The following LAMA2 variants were observed in gnomAD, a reference collection of about 807,000 sequenced individuals.
LAMA2 encodes the protein laminin subunit alpha 2.
Under a neutral mutation model 364.8 loss-of-function variants are expected in LAMA2, and 269 were observed. The observed-to-expected ratio is 0.74, with a 90% CI of 0.67 to 0.82. The LOEUF (loss-of-function observed/expected upper bound fraction) is 0.82. Among genes scored for constraint, LAMA2 ranks in the 40% least tolerant of loss-of-function variants. LAMA2 has a pLI of 0.00. For synonymous variants in LAMA2, 1,379 were observed against 1,370.6 expected, an observed-to-expected ratio of 1.01 and a Z score of -0.14; for missense variants, 3,807 against 3,873.2, an observed-to-expected ratio of 0.98 and a Z score of 0.45.
At chr6:129,079,033 C>T (rs188414650) in intron 3 of LAMA2, among the ~76,000 whole-genome samples, 10 of 152,248 alleles carry the variant, frequency 6.6e-5, no homozygotes, top group East Asian at 5.8e-4. Context: ...CTCACACACA[C>T]GTACATATAT....
At chr6:129,244,155 C>G in intron 12 of LAMA2, among the ~76,000 whole-genome samples, 1 of 152,042 alleles carries the variant, frequency 6.6e-6, no homozygotes, top group East Asian at 1.9e-4. Flanking sequence ...ACTTTAAAAC[C>G]TCTCATGTAA....
intron 1 of LAMA2, among the ~76,000 whole-genome samples, chr6:128,920,173 T>A (rs1778601766): frequency 6.6e-6 from 1 of 151,864 alleles, no homozygotes; most frequent in Non-Finnish European, 1.5e-5. Flanking sequence ...CTTTTTTTTT[T>A]TTTTGACGGA....
intron 58 of LAMA2, among the ~76,000 whole-genome samples, chr6:129,492,961 C>G (rs1285562388): frequency 1.3e-5 from 2 of 152,170 alleles, no homozygotes; most frequent in Non-Finnish European, 2.9e-5. Flanking sequence ...CGAGACCAGC[C>G]TGGGCAACCA....
intron 22 of LAMA2, among the ~76,000 whole-genome samples, chr6:129,302,703 T>A (rs1311562493): frequency 1.3e-5 from 2 of 152,102 alleles, no homozygotes; most frequent in African/African-American, 4.8e-5. Context: ...TTTTCAAACA[T>A]TATTTGTTGA....
chr6:129,421,295 A>G (rs866248107), intron 40 of LAMA2, among the ~76,000 whole-genome samples: 1 of 152,026 alleles, frequency 6.6e-6, no homozygotes, highest in Admixed American at 6.6e-5. Context: ...TTTGCATGAT[A>G]TAGTTGAAAT....
intron 4 of LAMA2, among the ~76,000 whole-genome samples, chr6:129,125,147 A>G (rs1777037610): frequency 1.3e-5 from 2 of 152,330 alleles, no homozygotes; most frequent in African/African-American, 2.4e-5. Flanking sequence ...GGATGAGTCC[A>G]TGGTTTTGGC....
At chr6:128,968,136 T>C (rs547989082) in intron 1 of LAMA2, among the ~76,000 whole-genome samples, 35 of 152,324 alleles carry the variant, frequency 2.3e-4, no homozygotes, top group Admixed American at 9.2e-4. Context: ...TGGTGAGCAG[T>C]GGCTGTGGCT....
chr6:129,393,028 G>T lies in LAMA2; in HGVS notation c.5235-17G>T, dbSNP rs972888842. The T allele has an allele frequency of 2.5e-6, 4 of 1,606,704 alleles. No homozygotes were observed. The African/African-American group carries it at 4.0e-5, about 16-fold the overall frequency. On this transcript the variant is annotated splice_polypyrimidine_tract_variant and intron_variant, in intron 36 of 64. Transcript: ENST00000421865. ...ACATGAGCTCATTGTCTATTATTGGGCTGGGGGTGGTTACAGAGCTGCAGA... is the reference window on the plus strand; with the variant it reads ...ACATGAGCTCATTGTCTATTATTGGTCTGGGGGTGGTTACAGAGCTGCAGA...
intron 21 of LAMA2, among the ~76,000 whole-genome samples, chr6:129,300,274 T>A (rs1420062169): frequency 6.6e-6 from 1 of 152,198 alleles, no homozygotes; most frequent in Non-Finnish European, 1.5e-5. Context: ...ATACATGATG[T>A]ACCGAATTTA....
intron 1 of LAMA2, among the ~76,000 whole-genome samples, chr6:129,028,646 G>A (rs1786004801): frequency 2.6e-5 from 4 of 151,716 alleles, no homozygotes; most frequent in Admixed American, 2.6e-4. Flanking sequence ...ACAAGTTAAT[G>A]TTTACAGTTT....
Position 129,393,130 on chromosome 6 carries a change from G to GA in LAMA2, c.5325dup (p.Leu1776ThrfsTer3), listed in dbSNP as rs768458445. On this transcript the variant is annotated frameshift_variant, in exon 37 of 65. Transcript: ENST00000421865. LOFTEE classifies it high-confidence loss of function. Reference sequence around the variant, plus strand: ...TGAAGAAATGGAGAAGGATCTCCGGGAAAAACTGGCTGACTACAAAAACAA... The same window carrying GA: ...TGAAGAAATGGAGAAGGATCTCCGGGAAAAAACTGGCTGACTACAAAAACAA... The GA allele has an allele frequency of 4.0e-5, 64 of 1,613,940 alleles. No homozygotes were observed. The highest frequency in any genetic ancestry group is 5.3e-5 in the Non-Finnish European group (63 of 1,179,952).
At chr6:129,498,644 G>A (rs901344766) in intron 58 of LAMA2, among the ~76,000 whole-genome samples, 5 of 152,172 alleles carry the variant, frequency 3.3e-5, no homozygotes, top group African/African-American at 1.2e-4. Flanking sequence ...AGCACCAGAT[G>A]TGATTTTAGC....
chr6:129,465,880 A>G (rs1562590041), intron 51 of LAMA2, among the ~76,000 whole-genome samples: 2 of 152,084 alleles, frequency 1.3e-5, no homozygotes, highest in African/African-American at 2.4e-5. Flanking sequence ...AGACATATAT[A>G]TAAAAGATCT....
At chr6:129,273,269 G>A (rs188175706) in intron 17 of LAMA2, among the ~76,000 whole-genome samples, 1 of 152,200 alleles carries the variant, frequency 6.6e-6, no homozygotes, top group Admixed American at 6.5e-5. Context: ...TGGCTGAATG[G>A]CATTCTCTTA....
chr6:128,901,905 C>G (rs1281696945), intron 1 of LAMA2, among the ~76,000 whole-genome samples: 1 of 152,210 alleles, frequency 6.6e-6, no homozygotes, highest in Non-Finnish European at 1.5e-5. Context: ...GTGTATTAGT[C>G]TGTTCTCACA....
At chr6:129,273,683 A>G (rs1417907681) in intron 17 of LAMA2, among the ~76,000 whole-genome samples, 1 of 152,118 alleles carries the variant, frequency 6.6e-6, no homozygotes, top group African/African-American at 2.4e-5. Flanking sequence ...TGCAAGCATT[A>G]AAACACAATC....
rs999751829 is a variant in LAMA2, at chr6:129,366,355, G to A, written c.4854G>A (p.Glu1618=). The A allele has an allele frequency of 3.7e-6, 6 of 1,613,584 alleles. No homozygotes were observed. Among genetic ancestry groups the A allele is most frequent in the Non-Finnish European group, 5.1e-6 (6 of 1,179,936 alleles). ...MLYGLENMTQ[E]LKHLLSPQRA... is the part of the protein sequence containing the mutation. ...ATGGTCTTGAAAATATGACTCAGGA[G>A]CTAAAGGTAGGTTGGTGCAGTCACA... Residue 1618 remains glutamate (E), a synonymous_variant, in exon 33 of 65, where the codon GAG becomes GAA. Transcript: ENST00000421865.
intron 34 of LAMA2, among the ~76,000 whole-genome samples, chr6:129,379,874 GA>G (rs1202311566): frequency 1.3e-5 from 2 of 152,194 alleles, no homozygotes; most frequent in Non-Finnish European, 2.9e-5. Context: ...TGGTCAGTTT[GA>G]GTGCTATTAG....
chr6:129,233,460 A>G (rs1309700302), intron 12 of LAMA2, among the ~76,000 whole-genome samples: 1 of 152,194 alleles, frequency 6.6e-6, no homozygotes, highest in African/African-American at 2.4e-5. Context: ...TCATATGTAT[A>G]TATGCTGTAT....
Sources: allele counts gnomAD v4.1 joint callset (sites outside exome capture counted in the v4.1 genomes callset), GRCh38; gene constraint gnomAD v4.1.1; transcripts MANE v1.5; gene names NCBI Gene and HGNC (gene_info 2026-07-23, HGNC 2026-07-21).